OOSP1: variants seen among roughly 807,000 people sequenced by gnomAD.
OOSP1 encodes putative oocyte-secreted protein 1 homolog.
In OOSP1, 11 loss-of-function variants were observed where a neutral mutation model predicts 5.7. The ratio of observed to expected loss-of-function variants is 1.94; its 90% CI spans 1.22 to 3.20. The LOEUF (loss-of-function observed/expected upper bound fraction) is 3.20, where lower values mean the gene tolerates loss of function less well. OOSP1 is among the 30% of genes most tolerant of loss of function. The pLI is 0.00. For missense variants in OOSP1, 83 were observed against 54.1 expected, an observed-to-expected ratio of 1.53 and a Z score of -1.67; for synonymous variants, 44 against 20.0, an observed-to-expected ratio of 2.20 and a Z score of -3.20.
chr11:59,941,613 C>T (rs1027658249), intron 1 of OOSP1, among the ~76,000 whole-genome samples: 3 of 152,054 alleles, frequency 2.0e-5, no homozygotes, highest in Non-Finnish European at 4.4e-5. Context: ...CTCCTGACCT[C>T]GTGATCCACC....
chr11:59,941,244 A>T (rs1050978788), intron 1 of OOSP1, among the ~76,000 whole-genome samples: 1 of 152,078 alleles, frequency 6.6e-6, no homozygotes, highest in Admixed American at 6.5e-5. Context: ...GTGTATCAAC[A>T]CTTGATTCTT....
intron 4 of OOSP1, among the ~76,000 whole-genome samples, chr11:59,956,508 A>G (rs886721028): frequency 2.6e-5 from 4 of 152,098 alleles, no homozygotes; most frequent in Non-Finnish European, 4.4e-5. Context: ...TTCTGTAAGT[A>G]GATTCATTTG....
At chr11:59,948,079 C>T (rs1162415256) in intron 4 of OOSP1, among the ~76,000 whole-genome samples, 1 of 152,052 alleles carries the variant, frequency 6.6e-6, no homozygotes, top group Non-Finnish European at 1.5e-5. Context: ...CTGGGAACCC[C>T]ATATAACTAA....
chr11:59,943,039 G>T lies in OOSP1; in HGVS notation c.258+11G>T, dbSNP rs1026006324. 1 of 702,406 alleles carries T rather than the reference G, an allele frequency of 1.4e-6. No homozygotes were observed. The highest frequency in any genetic ancestry group is 1.5e-5 in the South Asian group (1 of 67,550). 43.5% of individuals were successfully genotyped at this position (702,406 alleles called of 1,614,324 possible). A position where few individuals can be genotyped will look rare whatever the true frequency, so the allele number is the denominator to read the frequency against. On this transcript the variant is annotated intron_variant, in intron 2 of 4. Coordinates refer to ENST00000646685, the Ensembl canonical transcript of OOSP1. ...GGTATTGTAACTCAAGTAAGAAATG[G>T]CTATCTTACTTAAAACCCAAGTGTC...
chr11:59,956,299 A>C (rs1156750811), intron 4 of OOSP1, among the ~76,000 whole-genome samples: 1 of 151,890 alleles, frequency 6.6e-6, no homozygotes, highest in Non-Finnish European at 1.5e-5. Flanking sequence ...TCCTTGGCTG[A>C]GGACATTTGC....
chr11:59,951,695 G>A (rs1853940917), intron 4 of OOSP1, among the ~76,000 whole-genome samples: 2 of 146,592 alleles, frequency 1.4e-5, no homozygotes, highest in South Asian at 2.1e-4. Context: ...TGTGCGTGTC[G>A]AAGAAATGAA....
intron 4 of OOSP1, among the ~76,000 whole-genome samples, chr11:59,948,374 A>G (rs1177130523): frequency 1.3e-5 from 2 of 152,170 alleles, no homozygotes; most frequent in Non-Finnish European, 2.9e-5. Context: ...ACACACATTA[A>G]TATCTGGCTA....
intron 4 of OOSP1, among the ~76,000 whole-genome samples, chr11:59,954,702 T>C (rs1245531557): frequency 6.6e-6 from 1 of 151,978 alleles, no homozygotes; most frequent in Admixed American, 6.6e-5. Context: ...TCTACAAAAA[T>C]AATAGCATCT....
rs142240875 is a variant in OOSP1, at chr11:59,940,471, G to A, written c.76+1941G>A. On this transcript the variant is annotated intron_variant, in intron 1 of 4. Transcript: ENST00000646685. ...ATTTGTGGATCTGTAAATATGTTTCGCAGGCATTTATCTTCTATTTCTATT... is the reference window on the plus strand; with the variant it reads ...ATTTGTGGATCTGTAAATATGTTTCACAGGCATTTATCTTCTATTTCTATT... 2.4e-3 allele frequency among the ~76,000 whole-genome samples: 365 copies of A among 152,144 alleles called. 1 individual carries two copies. Among genetic ancestry groups the A allele is most frequent in the African/African-American group, 7.9e-3 (328 of 41,494 alleles).
At chr11:59,955,127 T>C (rs1048795410) in intron 4 of OOSP1, among the ~76,000 whole-genome samples, 3 of 152,098 alleles carry the variant, frequency 2.0e-5, no homozygotes, top group African/African-American at 4.8e-5. Flanking sequence ...AAACACATTA[T>C]GGTTTACATT....
At chr11:59,944,019 G>T (rs534024391) in intron 2 of OOSP1, among the ~76,000 whole-genome samples, 1 of 152,300 alleles carries the variant, frequency 6.6e-6, no homozygotes, top group East Asian at 1.9e-4. Flanking sequence ...TATTTATTAA[G>T]AAGTGTTTTT....
At chr11:59,939,882 G>A (rs1034580166) in intron 1 of OOSP1, among the ~76,000 whole-genome samples, 10 of 150,420 alleles carry the variant, frequency 6.6e-5, no homozygotes, top group Admixed American at 4.7e-4. Context: ...TGGTGCCATC[G>A]TAGCTCACTG....
intron 1 of OOSP1, among the ~76,000 whole-genome samples, chr11:59,939,909 A>T (rs894348662): frequency 1.3e-5 from 2 of 151,922 alleles, no homozygotes; most frequent in African/African-American, 4.8e-5. Flanking sequence ...TGAACTGCTA[A>T]TTAAAAAAAA....
At chr11:59,955,847 G>T (rs1824144329) in intron 4 of OOSP1, among the ~76,000 whole-genome samples, 1 of 152,136 alleles carries the variant, frequency 6.6e-6, no homozygotes, top group South Asian at 2.1e-4. Flanking sequence ...TGCCCAGGTT[G>T]GTCTTGACTC....
In OOSP1 at chr11:59,948,713, C is replaced by G. The variant is rs143519510; in HGVS notation, c.486+851C>G. The G allele has an allele frequency of 4.2e-3, 1,674 of 398,000 alleles. 31 individuals are homozygous for G. The highest frequency in any genetic ancestry group is 0.031 in the African/African-American group (1,521 of 48,688). The allele number at this position is 398,000 out of a possible 1,614,324, so 24.7% of individuals were successfully genotyped here. A position where few individuals can be genotyped will look rare whatever the true frequency, so the allele number is the denominator to read the frequency against. On this transcript the variant is annotated intron_variant, in intron 4 of 4. Transcript: ENST00000646685. ...TTCTTCCATTTTGGTAAGAATCTGA[C>G]TGCTACACTCCCTCGTTCATCAAAT...
At chr11:59,947,451 T>C (rs530734320) in intron 3 of OOSP1, among the ~76,000 whole-genome samples, 3 of 152,160 alleles carry the variant, frequency 2.0e-5, no homozygotes, top group African/African-American at 7.2e-5. Flanking sequence ...GATGAGAAAA[T>C]TGAAACAGAG....
At chr11:59,954,064 C>T (rs1352019156) in intron 4 of OOSP1, among the ~76,000 whole-genome samples, 3 of 152,160 alleles carry the variant, frequency 2.0e-5, no homozygotes, top group Non-Finnish European at 4.4e-5. Flanking sequence ...CAAACCTGAA[C>T]AGCATGTTAC....
intron 3 of OOSP1, among the ~76,000 whole-genome samples, chr11:59,946,302 C>T (rs1374593489): frequency 2.0e-5 from 3 of 152,210 alleles, no homozygotes; most frequent in Non-Finnish European, 2.9e-5. Flanking sequence ...CAAACCATCA[C>T]CCCCTATCAG....
chr11:59,950,702 G>A lies in OOSP1; in HGVS notation c.486+2840G>A, dbSNP rs945442400. On this transcript the variant is annotated intron_variant, in intron 4 of 4. Coordinates refer to ENST00000646685, the Ensembl canonical transcript of OOSP1. ...ACTTTGATAAAAGACAGTTTTGGTG[G>A]AGAGGTATGGGTGAAAATTGGTTGA... 2.0e-5 allele frequency among the ~76,000 whole-genome samples: 3 copies of A among 152,118 alleles called. No homozygotes were observed. In the East Asian group the frequency reaches 5.8e-4, roughly 29 times the overall value.
Sources: gnomAD v4.1 joint callset for allele counts (sites outside exome capture counted in the v4.1 genomes callset) on GRCh38, gnomAD v4.1.1 for gene constraint, MANE v1.5 for transcripts, NCBI Gene and HGNC (gene_info 2026-07-23, HGNC 2026-07-21) for gene names.